The following CSN1S1 variants were observed in gnomAD, a reference collection of about 807,000 sequenced individuals.
CSN1S1 encodes the protein alpha-S1-casein.
In CSN1S1, 63 loss-of-function variants were observed where a neutral mutation model predicts 49.1. The observed-to-expected ratio is 1.28, with a 90% CI of 1.05 to 1.58. The LOEUF (loss-of-function observed/expected upper bound fraction) is 1.58, where lower values mean the gene tolerates loss of function less well. CSN1S1 is among the 40% of genes most tolerant of loss of function. The probability of loss-of-function intolerance (pLI) is 0.00; values close to 1 mark genes in which losing one functional copy is unlikely to be tolerated. For synonymous variants in CSN1S1, 78 were observed against 67.1 expected, an observed-to-expected ratio of 1.16 and a Z score of -0.79; for missense variants, 260 against 224.7, an observed-to-expected ratio of 1.16 and a Z score of -1.01.
At chr4:69,940,109 TTTCA>T (rs1722926835) in intron 11 of CSN1S1, 65 bp downstream of exon 11, 1 of 463,942 alleles carries the variant, frequency 2.2e-6, no homozygotes, top group Non-Finnish European at 3.6e-6. Context: ...ATGCACTTAC[TTTCA>T]CACACACACA....
rs1171566687 is a variant in CSN1S1, at chr4:69,937,798, A to G, written c.220-2A>G. The G allele has an allele frequency of 1.3e-6, 2 of 1,592,616 alleles. No individual in the cohort carries two copies. The highest frequency in any genetic ancestry group is 2.3e-5 in the South Asian group (2 of 86,528). On this transcript the variant is annotated splice_acceptor_variant, in intron 8 of 15. Coordinates refer to ENST00000246891, the MANE Select transcript of CSN1S1 (RefSeq NM_001890.2). LOFTEE classifies it high-confidence loss of function. ...GAAATTGATTATTTTTTCTTTCTTA[A>G]GAACTGTGTTGTGGCAGAGCCTGAG...
intron 11 of CSN1S1, 130 bp from the exon 12 acceptor site, chr4:69,940,889 C>T (rs565123736): frequency 6.0e-6 from 3 of 496,874 alleles, no homozygotes; most frequent in Non-Finnish European, 7.4e-6. Context: ...AAATGGCACT[C>T]AGGTGTAATA....
chr4:69,933,945 T>G (rs1479827352), intron 2 of CSN1S1, among the ~76,000 whole-genome samples: 1 of 152,012 alleles, frequency 6.6e-6, no homozygotes, highest in East Asian at 1.9e-4. Flanking sequence ...TTTTTAAAGA[T>G]GTTTTACATA....
intron 7 of CSN1S1, 54 bp from the exon 8 acceptor site, chr4:69,937,067 A>T: frequency 8.3e-6 from 12 of 1,446,030 alleles, no homozygotes; most frequent in Non-Finnish European, 1.1e-5. Context: ...TATGAGATAA[A>T]ATATATATCT....
rs1722795920 is a variant in CSN1S1, at chr4:69,936,625, G to T, written c.195+18G>T. 6 of 1,593,460 alleles carry T rather than the reference G, an allele frequency of 3.8e-6. No homozygotes were observed. Among genetic ancestry groups the T allele is most frequent in the Non-Finnish European group, 5.1e-6 (6 of 1,169,178 alleles). On this transcript the variant is annotated intron_variant, in intron 7 of 15. Coordinates refer to ENST00000246891, the MANE Select transcript of CSN1S1 (RefSeq NM_001890.2). ...AAATCAAGGTACCAAAGTTTTTCTT[G>T]AAAGAGTATGGCAAAAGTATATATT...
In CSN1S1 at chr4:69,934,708, G is replaced by T; in HGVS notation, c.103G>T (p.Glu35Ter). The T allele has an allele frequency of 1.2e-6, 2 of 1,609,642 alleles. No homozygotes were observed. The highest frequency in any genetic ancestry group is 3.3e-4 in the Middle Eastern group (2 of 6,040). ...TTTACAGAATCCATCAGAGAGCAGT[G>T]AGGTAAGCTCTGTTTATGGGGAGTC... is the stretch of plus-strand genomic sequence containing the variant. ...ERLQNPSESSEPIPLESREEY... is the reference protein window; with the variant it reads ...ERLQNPSESS The change falls in exon 4 of 16, where the codon GAG becomes TAG. Residue 35 changes from glutamate (E) to a stop codon, truncating the protein, a stop_gained and splice_region_variant. Coordinates refer to ENST00000246891, the MANE Select transcript of CSN1S1 (RefSeq NM_001890.2). LOFTEE classifies it high-confidence loss of function.
At chr4:69,940,995 G>T in intron 11 of CSN1S1, 24 bp from the exon 12 acceptor site, 2 of 1,338,186 alleles carry the variant, frequency 1.5e-6, no homozygotes, top group South Asian at 2.7e-5. Context: ...CCAAGCAATT[G>T]AGAATATTTT....
chr4:69,940,063 A>C lies in CSN1S1; in HGVS notation c.300+19A>C, dbSNP rs1412790136. The stretch of plus-strand genomic sequence containing the variant: ...GTGTGCGGTAAGACATATTTGCTAA[A>C]TTTAAAATATATTAATATTTTCCAG... On this transcript the variant is annotated intron_variant, in intron 11 of 15. Transcript: ENST00000246891. 1.6e-6 allele frequency: 2 copies of C among 1,275,272 alleles called. No homozygotes were observed. Among genetic ancestry groups the C allele is most frequent in the East Asian group, 5.4e-5 (2 of 36,842 alleles). 79.0% of individuals were successfully genotyped at this position (1,275,272 alleles called of 1,614,324 possible). A position where few individuals can be genotyped will look rare whatever the true frequency, so the allele number is the denominator to read the frequency against.
At chr4:69,934,272 A>G (rs958525725) in intron 3 of CSN1S1, 28 bp downstream of exon 3, 2 of 1,604,500 alleles carry the variant, frequency 1.2e-6, no homozygotes, top group Non-Finnish European at 1.7e-6. Flanking sequence ...CATTCCAAGA[A>G]CTCACTCTAA....
chr4:69,931,654 G>A (rs938595690), intron 1 of CSN1S1, among the ~76,000 whole-genome samples: 2 of 151,358 alleles, frequency 1.3e-5, no homozygotes, highest in Non-Finnish European at 3.0e-5. Flanking sequence ...AAATTTATTT[G>A]GGTTCAAAAA....
At chr4:69,946,170 C>T (rs1723160023) in intron 15 of CSN1S1, 26 bp from the exon 16 acceptor site, 2 of 524,524 alleles carry the variant, frequency 3.8e-6, no homozygotes, top group African/African-American at 3.9e-5. Context: ...ATATAACTCA[C>T]CACATATTTC....
At chr4:69,934,643 G>A in intron 3 of CSN1S1, 47 bp from the exon 4 acceptor site, 5 of 1,549,658 alleles carry the variant, frequency 3.2e-6, no homozygotes, top group Non-Finnish European at 4.4e-6. Context: ...CCTACATTCT[G>A]TCCTGCAATT....
At chr4:69,941,248 C>A (rs1423522569) in intron 12 of CSN1S1, among the ~76,000 whole-genome samples, 188 bp downstream of exon 12, 2 of 151,716 alleles carry the variant, frequency 1.3e-5, no homozygotes, top group Non-Finnish European at 3.0e-5. Flanking sequence ...TGCTCATTCT[C>A]TTTATTCCTG....
At chr4:69,934,454 A>AT (rs1402317169) in intron 3 of CSN1S1, among the ~76,000 whole-genome samples, 2 of 152,102 alleles carry the variant, frequency 1.3e-5, no homozygotes, top group Non-Finnish European at 2.9e-5. Flanking sequence ...TAAAAATCTT[A>AT]TTTTTATTCC....
At chr4:69,944,052 T>C (rs138969151) in intron 14 of CSN1S1, among the ~76,000 whole-genome samples, 1 of 152,100 alleles carries the variant, frequency 6.6e-6, no homozygotes, top group African/African-American at 2.4e-5. Context: ...ACAGGGCCAG[T>C]TCTATCTTGA....
chr4:69,933,791 G>A (rs142099518), intron 2 of CSN1S1, among the ~76,000 whole-genome samples: 10 of 151,986 alleles, frequency 6.6e-5, no homozygotes, highest in East Asian at 5.8e-4. Context: ...CCCAGAAAGC[G>A]TTTGAATTAG....
At chr4:69,943,495 A>T (rs12502391) in intron 14 of CSN1S1, among the ~76,000 whole-genome samples, 37,910 of 151,688 alleles carry the variant, frequency 0.25, 5,125 homozygotes, top group South Asian at 0.34. Context: ...AATTATTTTT[A>T]AAAAAAGTGT....
At position 69,946,233 on chromosome 4, in the gene CSN1S1, C is replaced by G. The variant is rs1723163355; in HGVS notation, c.*37C>G. ...ATTTCATTCTCTGAATTTCTCCTCT[C>G]AAGGAAAACCATCTTATCTGAAGAC... On this transcript the variant is annotated 3_prime_UTR_variant, in exon 16 of 16. Coordinates refer to ENST00000246891, the MANE Select transcript of CSN1S1 (RefSeq NM_001890.2). The G allele has an allele frequency of 1.9e-6, 1 of 515,250 alleles. No individual in the cohort carries two copies. Among genetic ancestry groups the G allele is most frequent in the Non-Finnish European group, 3.6e-6 (1 of 278,126 alleles). 31.9% of individuals were successfully genotyped at this position (515,250 alleles called of 1,614,324 possible). A position where few individuals can be genotyped will look rare whatever the true frequency, so the allele number is the denominator to read the frequency against.
At position 69,945,002 on chromosome 4, in the gene CSN1S1, G is replaced by A. The variant is rs554152204; in HGVS notation, c.555G>A (p.Trp185Ter). 4 of 1,612,266 alleles carry A rather than the reference G, an allele frequency of 2.5e-6. No individual in the cohort carries two copies. The highest frequency in any genetic ancestry group is 3.4e-6 in the Non-Finnish European group (4 of 1,178,934). ...AAAAAAATAACGTCATGCTACAGTG[G>A]TGGTAAGTTCATTTAAATTACTACA... ...NYEKNNVMLQ[W>*] is the part of the protein sequence containing the mutation. Residue 185 changes from tryptophan to a stop codon, truncating the protein, a stop_gained and splice_region_variant, in exon 15 of 16, where the codon TGG becomes TGA. Transcript: ENST00000246891. LOFTEE classifies it high-confidence loss of function.
Sources: gnomAD v4.1 joint callset for allele counts (sites outside exome capture counted in the v4.1 genomes callset) on GRCh38, gnomAD v4.1.1 for gene constraint, MANE v1.5 for transcripts, NCBI Gene and HGNC (gene_info 2026-07-23, HGNC 2026-07-21) for gene names.